The following B3GLCT variants were observed in gnomAD, a reference collection of about 807,000 sequenced individuals.
The protein encoded by B3GLCT is beta 3-glucosyltransferase.
A neutral mutation model predicts 63.4 loss-of-function variants in B3GLCT; 65 were observed. The ratio of observed to expected loss-of-function variants is 1.03; its 90% CI spans 0.84 to 1.26. B3GLCT has a LOEUF of 1.26. B3GLCT is among the 50% of genes most tolerant of loss of function. B3GLCT has a pLI of 0.00. For synonymous variants in B3GLCT, 233 were observed against 219.2 expected (o/e 1.06, Z -0.55); for missense variants, 577 against 604.8 (o/e 0.95, Z 0.48).
At chr13:31,253,016 C>T (rs540476293) in intron 6 of B3GLCT, among the ~76,000 whole-genome samples, 25 of 152,214 alleles carry the variant, frequency 1.6e-4, no homozygotes, top group Non-Finnish European at 3.2e-4. Flanking sequence ...AACAGTCTCT[C>T]AGACCACAGT....
chr13:31,294,332 A>G (rs1873827462), intron 12 of B3GLCT, among the ~76,000 whole-genome samples: 1 of 152,028 alleles, frequency 6.6e-6, no homozygotes, highest in Non-Finnish European at 1.5e-5. Context: ...TGTTCTCTGT[A>G]TTTCCTGAGT....
Position 31,331,666 on chromosome 13 carries a change from C to T in B3GLCT, c.*1998C>T, listed in dbSNP as rs1193594738. The stretch of plus-strand genomic sequence containing the variant: ...GAGAGAATAATTACTTCAGAGCTAC[C>T]CTTTTAAGAGAAAACCATCAGAAAT... On this transcript the variant is annotated 3_prime_UTR_variant, in exon 15 of 15. Transcript: ENST00000343307. The T allele has an allele frequency of 6.6e-6, 1 of 152,054 alleles. No homozygotes were observed. The highest frequency in any genetic ancestry group is 2.4e-5 in the African/African-American group (1 of 41,394). 9.4% of individuals were successfully genotyped at this position (152,054 alleles called of 1,614,324 possible).
chr13:31,238,109 A>C (rs1870746362), intron 4 of B3GLCT, among the ~76,000 whole-genome samples: 2 of 152,212 alleles, frequency 1.3e-5, no homozygotes, highest in Admixed American at 1.3e-4. Context: ...CTGCCAAAAA[A>C]TTAAGGTGCA....
At chr13:31,200,670 A>ACCCC (rs1455309013) in intron 1 of B3GLCT, among the ~76,000 whole-genome samples, 3 of 151,486 alleles carry the variant, frequency 2.0e-5, no homozygotes, top group African/African-American at 7.3e-5. Context: ...CTCCTGTTCG[A>ACCCC]CCCCCGGGGG....
intron 1 of B3GLCT, among the ~76,000 whole-genome samples, chr13:31,208,247 A>G (rs1482444706): frequency 6.6e-6 from 1 of 152,040 alleles, no homozygotes; most frequent in African/African-American, 2.4e-5. Context: ...GGATTCATTA[A>G]ACAGCTGCCT....
In B3GLCT at chr13:31,274,505, G is replaced by A; in HGVS notation, c.661-4G>A. ...ATCACTGCCTGTCTCCTGTCTCGTG[G>A]CAGATTGCCCTCTACATCTGGGACA... On this transcript the variant is annotated splice_polypyrimidine_tract_variant and splice_region_variant and intron_variant, in intron 8 of 14. Transcript: ENST00000343307. The A allele has an allele frequency of 1.2e-6, 2 of 1,614,126 alleles. No individual in the cohort carries two copies. The highest frequency in any genetic ancestry group is 1.7e-6 in the Non-Finnish European group (2 of 1,179,996).
chr13:31,269,648 C>A (rs925509377), intron 8 of B3GLCT, among the ~76,000 whole-genome samples: 1 of 150,060 alleles, frequency 6.7e-6, no homozygotes, highest in Non-Finnish European at 1.5e-5. Flanking sequence ...TCCCCGCCCC[C>A]CTAATTCATA....
intron 5 of B3GLCT, among the ~76,000 whole-genome samples, chr13:31,247,442 T>A (rs1022884): frequency 0.97 from 147,489 of 152,216 alleles, 71,503 homozygotes; most frequent in East Asian, 1. Flanking sequence ...CTCCCAGTTA[T>A]TTTTTTATTT....
At chr13:31,288,559 T>TC (rs926088445) in intron 12 of B3GLCT, among the ~76,000 whole-genome samples, 71 of 152,286 alleles carry the variant, frequency 4.7e-4, no homozygotes, top group African/African-American at 1.6e-3. Flanking sequence ...TCAGTTGGCA[T>TC]CCAAGTCCCC....
intron 10 of B3GLCT, among the ~76,000 whole-genome samples, chr13:31,279,038 T>A (rs1313955754): frequency 6.6e-6 from 1 of 152,184 alleles, no homozygotes; most frequent in Non-Finnish European, 1.5e-5. Flanking sequence ...TCTCCTTGGA[T>A]GTATTACAAA....
At chr13:31,265,441 A>G (rs995822093) in intron 7 of B3GLCT, among the ~76,000 whole-genome samples, 3 of 152,280 alleles carry the variant, frequency 2.0e-5, no homozygotes, top group Non-Finnish European at 2.9e-5. Flanking sequence ...TACGGCCCAC[A>G]TTGTAGGTAG....
At chr13:31,252,798 A>G (rs1004493504) in intron 6 of B3GLCT, among the ~76,000 whole-genome samples, 2 of 152,200 alleles carry the variant, frequency 1.3e-5, no homozygotes, top group Non-Finnish European at 2.9e-5. Context: ...TATTAGACAG[A>G]TCAACAAGAC....
intron 12 of B3GLCT, among the ~76,000 whole-genome samples, chr13:31,300,770 T>C (rs922909174): frequency 2.6e-5 from 4 of 152,114 alleles, no homozygotes; most frequent in African/African-American, 4.8e-5. Flanking sequence ...ATAGGAGCAA[T>C]TGGGGAAGTG....
At chr13:31,218,553 A>G (rs760383541) in intron 2 of B3GLCT, among the ~76,000 whole-genome samples, 2 of 152,132 alleles carry the variant, frequency 1.3e-5, no homozygotes, top group Non-Finnish European at 2.9e-5. Context: ...TGGAAATGCT[A>G]CTGATTTTTG....
chr13:31,248,506 A>G (rs1314148692), intron 6 of B3GLCT, among the ~76,000 whole-genome samples: 7 of 152,198 alleles, frequency 4.6e-5, no homozygotes, highest in Non-Finnish European at 7.3e-5. Flanking sequence ...TGTTAGAAGC[A>G]TATAACAGGG....
intron 12 of B3GLCT, among the ~76,000 whole-genome samples, chr13:31,313,481 T>A (rs1874829185): frequency 1.3e-5 from 2 of 152,334 alleles, no homozygotes; most frequent in African/African-American, 4.8e-5. Context: ...CAAAGAGACT[T>A]GTGGCATTTT....
intron 9 of B3GLCT, among the ~76,000 whole-genome samples, chr13:31,275,462 C>G (rs1872738683): frequency 6.6e-6 from 1 of 152,190 alleles, no homozygotes; most frequent in African/African-American, 2.4e-5. Flanking sequence ...ATTAGAATTT[C>G]TGTTCCATTT....
Position 31,330,546 on chromosome 13 carries a change from T to TG in B3GLCT, c.*878_*879insG, listed in dbSNP as rs1202287388. The TG allele has an allele frequency of 1.4e-4, 21 of 150,578 alleles. No homozygotes were observed. Among genetic ancestry groups the TG allele is most frequent in the Non-Finnish European group, 2.8e-4 (19 of 67,566 alleles). The allele number at this position is 150,578 out of a possible 1,614,324, so 9.3% of individuals were successfully genotyped here. A position where few individuals can be genotyped will look rare whatever the true frequency, so the allele number is the denominator to read the frequency against. On this transcript the variant is annotated 3_prime_UTR_variant, in exon 15 of 15. Transcript: ENST00000343307. ...GACCTTATGTTTTACTCTTGTTTTT[T>TG]TTTTTTTTTTAAATGTTACTTAATG...
In B3GLCT at chr13:31,286,820, GTAAGGAGTCA is replaced by G; in HGVS notation, c.1064+3_1064+12del. On this transcript the variant is annotated splice_donor_variant and splice_donor_5th_base_variant and intron_variant, in intron 12 of 14. Coordinates refer to ENST00000343307, the MANE Select transcript of B3GLCT (RefSeq NM_194318.4). LOFTEE classifies it high-confidence loss of function. The stretch of plus-strand genomic sequence containing the variant: ...TTGTGGATGATGATACATTAATAAG[GTAAGGAGTCA>G]TTCTCATCCTAAATGGCTTTAAATT... 1 of 1,594,924 alleles carries G rather than the reference GTAAGGAGTCA, an allele frequency of 6.3e-7. No homozygotes were observed. The highest frequency in any genetic ancestry group is 8.6e-7 in the Non-Finnish European group (1 of 1,163,380).
Sources: gnomAD v4.1 joint callset for allele counts (sites outside exome capture counted in the v4.1 genomes callset) on GRCh38, gnomAD v4.1.1 for gene constraint, MANE v1.5 for transcripts, NCBI Gene and HGNC (gene_info 2026-07-23, HGNC 2026-07-21) for gene names.